The following GAREM1 variants were observed in gnomAD, a reference collection of about 807,000 sequenced individuals.
The protein encoded by GAREM1 is GRB2-associated and regulator of MAPK protein 1.
Under a neutral mutation model 71.3 loss-of-function variants are expected in GAREM1, and 26 were observed. The observed-to-expected ratio is 0.36, with a 90% CI of 0.27 to 0.51. The LOEUF (loss-of-function observed/expected upper bound fraction) is 0.51, where lower values mean the gene tolerates loss of function less well. Ranked by LOEUF, GAREM1 falls within the 20% of genes least tolerant of loss-of-function variation. The pLI is 0.95. For synonymous variants in GAREM1, 440 were observed against 433.2 expected, an observed-to-expected ratio of 1.02 and a Z score of -0.20; for missense variants, 1,026 against 1,103.1, an observed-to-expected ratio of 0.93 and a Z score of 0.99.
intron 3 of GAREM1, among the ~76,000 whole-genome samples, chr18:32,302,168 A>AG (rs1567955960): frequency 1.3e-5 from 2 of 152,334 alleles, no homozygotes; most frequent in African/African-American, 4.8e-5. Flanking sequence ...GGATTGTATT[A>AG]GGAGACCTGG....
chr18:32,430,037 T>C (rs1273607210), intron 1 of GAREM1, among the ~76,000 whole-genome samples: 1 of 152,204 alleles, frequency 6.6e-6, no homozygotes, highest in Non-Finnish European at 1.5e-5. Context: ...ACCATGTCAC[T>C]GTATTATATT....
intron 3 of GAREM1, among the ~76,000 whole-genome samples, chr18:32,302,096 A>G (rs1287810827): frequency 6.6e-6 from 1 of 152,218 alleles, no homozygotes; most frequent in African/African-American, 2.4e-5. Context: ...GTACATTCTG[A>G]TCACAATCTT....
At position 32,287,589 on chromosome 18, in the gene GAREM1, G is replaced by C; in HGVS notation, c.1008C>G (p.Ile336Met). The change falls in exon 4 of 6, where the codon ATC becomes ATG. Residue 336 changes from isoleucine (I) to methionine (M), a missense_variant. Ile to Met is a conservative substitution (Grantham distance 10). This residue lies in a region of GAREM1 where 218 missense variants were observed against 296.8 expected (regional missense o/e 0.73). Coordinates refer to ENST00000269209, the MANE Select transcript of GAREM1 (RefSeq NM_001242409.2). The surrounding 1 kb of genome is among the most constrained non-coding windows in gnomAD (Gnocchi z 5.9). ...CACGGACAGCCCGTGAATACTCATC[G>C]ATGTCGAACTGTTCTTGGCAGATAC... ...WLGICQEQFD[I>M]DEYSRAVRDV... is the part of the protein sequence containing the mutation. The C allele has an allele frequency of 6.2e-7, 1 of 1,614,118 alleles. No individual in the cohort carries two copies. The highest frequency in any genetic ancestry group is 1.1e-5 in the South Asian group (1 of 91,076).
rs139899133 is a variant in GAREM1 at position 32,310,330 on chromosome 18, C to T, written c.263-7G>A. The T allele has an allele frequency of 1.4e-4, 222 of 1,613,942 alleles. No homozygotes were observed. The African/African-American group carries it at 2.3e-3, about 17-fold the overall frequency. On this transcript the variant is annotated splice_region_variant and splice_polypyrimidine_tract_variant and intron_variant, in intron 2 of 5. Coordinates refer to ENST00000269209, the MANE Select transcript of GAREM1 (RefSeq NM_001242409.2). ...TCCAGCAGCTTGAATTGCCCTAAAA[C>T]ACAGGATAAACAGAAGAGATCTAAG...
At chr18:32,378,724 A>G (rs1599003668) in intron 2 of GAREM1, among the ~76,000 whole-genome samples, 3 of 152,096 alleles carry the variant, frequency 2.0e-5, no homozygotes, top group African/African-American at 7.2e-5. Context: ...GAAAAAACAA[A>G]TGCTTTCTCA....
intron 1 of GAREM1, among the ~76,000 whole-genome samples, chr18:32,462,942 G>A (rs1390035185): frequency 6.6e-6 from 1 of 152,110 alleles, no homozygotes; most frequent in Non-Finnish European, 1.5e-5. Flanking sequence ...CGGGGCAACT[G>A]GGGGAGGTTG....
intron 1 of GAREM1, among the ~76,000 whole-genome samples, chr18:32,408,043 G>A (rs1322743628): frequency 6.6e-6 from 1 of 151,584 alleles, no homozygotes; most frequent in Non-Finnish European, 1.5e-5. Flanking sequence ...AAGCCTGGTA[G>A]CCTGGCTCTA....
intron 2 of GAREM1, among the ~76,000 whole-genome samples, chr18:32,364,608 AAAATT>A (rs996948487): frequency 7.8e-4 from 119 of 152,362 alleles, no homozygotes; most frequent in Admixed American, 3.1e-3. Flanking sequence ...CCCAGAACTT[AAAATT>A]AAATTAAATT....
intron 1 of GAREM1, 150 bp from the exon 2 acceptor site, chr18:32,393,185 T>C (rs1189030069): frequency 8.6e-6 from 6 of 700,756 alleles, no homozygotes; most frequent in Non-Finnish European, 4.4e-6. Flanking sequence ...GAATTGTTTT[T>C]TTTTTTTTTT....
chr18:32,319,036 A>G (rs574243715), intron 2 of GAREM1, among the ~76,000 whole-genome samples: 3 of 152,298 alleles, frequency 2.0e-5, no homozygotes, highest in African/African-American at 7.2e-5. Flanking sequence ...TCAGTGTGGT[A>G]CCTCCAGCAT....
intron 1 of GAREM1, among the ~76,000 whole-genome samples, chr18:32,437,083 C>T (rs1238555343): frequency 2.0e-5 from 3 of 152,148 alleles, no homozygotes; most frequent in African/African-American, 4.8e-5. Context: ...ATTTAGACCA[C>T]TATAATGACA....
chr18:32,401,556 G>C (rs1398439958), intron 1 of GAREM1, among the ~76,000 whole-genome samples: 2 of 151,418 alleles, frequency 1.3e-5, no homozygotes, highest in Non-Finnish European at 2.9e-5. Flanking sequence ...TTTGAAGAAT[G>C]AGTTGGGCTT....
At chr18:32,415,752 C>G (rs1200911081) in intron 1 of GAREM1, among the ~76,000 whole-genome samples, 1 of 151,992 alleles carries the variant, frequency 6.6e-6, no homozygotes, top group Non-Finnish European at 1.5e-5. Flanking sequence ...TATGACAGAC[C>G]CACAGCTAGT....
chr18:32,369,788 A>G (rs965544359), intron 2 of GAREM1, among the ~76,000 whole-genome samples: 3 of 152,222 alleles, frequency 2.0e-5, no homozygotes, highest in Non-Finnish European at 4.4e-5. Flanking sequence ...ACTCTGACAC[A>G]ATCATCATCA....
intron 2 of GAREM1, among the ~76,000 whole-genome samples, chr18:32,364,028 G>GTTGTTTTTTTTTTT (rs2047903365): frequency 4.6e-5 from 1 of 21,674 alleles, no homozygotes; most frequent in African/African-American, 1.8e-4. Flanking sequence ...ATATATATAT[G>GTTGTTTTTTTTTTT]TTTTTTTTTT....
At chr18:32,460,826 G>A (rs1257583448) in intron 1 of GAREM1, among the ~76,000 whole-genome samples, 2 of 152,098 alleles carry the variant, frequency 1.3e-5, no homozygotes, top group Admixed American at 1.3e-4. Flanking sequence ...ATATACTCAG[G>A]AGTCATATGA....
chr18:32,316,746 C>T (rs975360609), intron 2 of GAREM1, among the ~76,000 whole-genome samples: 3 of 152,170 alleles, frequency 2.0e-5, no homozygotes, highest in Non-Finnish European at 4.4e-5. Flanking sequence ...CCGTATGCAG[C>T]CCTACTTTGC....
chr18:32,387,761 TGAGGTTCTCATAAGAACCACAGAA>T (rs1219595156), intron 2 of GAREM1, among the ~76,000 whole-genome samples: 4 of 152,232 alleles, frequency 2.6e-5, no homozygotes, highest in Non-Finnish European at 5.9e-5. Flanking sequence ...CATTTCAGTG[TGAGGTTCTCATAAGAACCACAGAA>T]GTCATAGTTA....
At chr18:32,307,610 C>T (rs1333802210) in intron 3 of GAREM1, among the ~76,000 whole-genome samples, 2 of 152,138 alleles carry the variant, frequency 1.3e-5, no homozygotes, top group African/African-American at 2.4e-5. Flanking sequence ...GCAACCTCTG[C>T]CTCCTGGGTT....
Sources: allele counts gnomAD v4.1 joint callset (sites outside exome capture counted in the v4.1 genomes callset), GRCh38; gene constraint gnomAD v4.1.1; regional missense constraint gnomAD v4.1.1; non-coding constraint Gnocchi (gnomAD v3.1); transcripts MANE v1.5; gene names NCBI Gene and HGNC (gene_info 2026-07-23, HGNC 2026-07-21).